The following INTS4 variants were observed in gnomAD, a reference collection of about 807,000 sequenced individuals.
INTS4 encodes the protein MSTP093.
Under a neutral mutation model 119.5 loss-of-function variants are expected in INTS4, and 70 were observed. The observed-to-expected ratio is 0.59, with a 90% CI of 0.48 to 0.71. The LOEUF is 0.71. Ranked by LOEUF, INTS4 falls within the 30% of genes least tolerant of loss-of-function variation. The pLI, the probability that INTS4 is intolerant of heterozygous loss-of-function variation, is 0.00. For missense variants in INTS4, 867 were observed against 1,173.2 expected (o/e 0.74, Z 3.81); for synonymous variants, 316 against 419.6 (o/e 0.75, Z 3.02).
At chr11:77,949,571 C>A (rs1454611991) in intron 8 of INTS4, among the ~76,000 whole-genome samples, 1 of 148,678 alleles carries the variant, frequency 6.7e-6, no homozygotes. Context: ...TGAACAGACA[C>A]TTCTCAAAAG....
chr11:77,963,371 A>AAC, intron 4 of INTS4: 1 of 354,806 alleles, frequency 2.8e-6, no homozygotes. Context: ...AAAAAAAAAA[A>AAC]AAACAAAAAA....
rs1954457807 is a variant in INTS4 at position 77,961,016 on chromosome 11, C to T, written c.594G>A (p.Lys198=). The part of the protein sequence containing the change: ...AEGLAARDVQ[K]IIGDYFSDQD... Reference sequence around the variant, plus strand: ...GGTCACTGAAGTAATCCCCTATAATCTTCTGGACATCTCTGGCAGCTAGGC... The same window carrying T: ...GGTCACTGAAGTAATCCCCTATAATTTTCTGGACATCTCTGGCAGCTAGGC... Residue 198 remains lysine, a synonymous_variant, in exon 5 of 23, where the codon AAG becomes AAA. Transcript: ENST00000534064. 1 of 1,613,812 alleles carries T rather than the reference C, an allele frequency of 6.2e-7. No individual in the cohort carries two copies. The highest frequency in any genetic ancestry group is 8.5e-7 in the Non-Finnish European group (1 of 1,179,896).
At chr11:77,905,264 C>T (rs1358975628) in intron 16 of INTS4, among the ~76,000 whole-genome samples, 2 of 152,064 alleles carry the variant, frequency 1.3e-5, no homozygotes, top group African/African-American at 2.4e-5. Context: ...GGAGACCAGC[C>T]TGACCAACAT....
In INTS4 at chr11:77,878,745, G is replaced by A. The variant is rs765811328; in HGVS notation, c.*204C>T. 2 of 695,654 alleles carry A rather than the reference G, an allele frequency of 2.9e-6. No homozygotes were observed. The highest frequency in any genetic ancestry group is 3.1e-5 in the South Asian group (2 of 65,564). The allele number at this position is 695,654 out of a possible 1,614,324, so 43.1% of individuals were successfully genotyped here. On this transcript the variant is annotated 3_prime_UTR_variant, in exon 23 of 23. Coordinates refer to ENST00000534064, the MANE Select transcript of INTS4 (RefSeq NM_033547.4). The stretch of plus-strand genomic sequence containing the variant: ...TTGGTGTTTTCTCAACTTTATTGTG[G>A]ACAGGAGAAGGGTAAGTAGACTTGA...
At chr11:77,946,152 A>G (rs1474429285) in intron 8 of INTS4, among the ~76,000 whole-genome samples, 1 of 152,226 alleles carries the variant, frequency 6.6e-6, no homozygotes, top group South Asian at 2.1e-4. Context: ...CATCTACAGC[A>G]TTGCCATCAC....
At chr11:77,907,073 G>A (rs916272329) in intron 16 of INTS4, among the ~76,000 whole-genome samples, 1 of 152,108 alleles carries the variant, frequency 6.6e-6, no homozygotes, top group African/African-American at 2.4e-5. Flanking sequence ...GAAGTGCAGT[G>A]AGTTTTTTTG....
At chr11:77,973,420 C>T (rs1406072890) in intron 4 of INTS4, among the ~76,000 whole-genome samples, 2 of 152,052 alleles carry the variant, frequency 1.3e-5, no homozygotes, top group African/African-American at 4.8e-5. Context: ...TGCCTAATAT[C>T]CCTGGCAAGA....
intron 13 of INTS4, 30 bp downstream of exon 13, chr11:77,922,326 A>T: frequency 6.6e-7 from 1 of 1,521,348 alleles, no homozygotes; most frequent in South Asian, 1.3e-5. Flanking sequence ...CTGCCAACAC[A>T]TCAGGGCCCA....
At chr11:77,903,280 C>T (rs1952833700) in intron 17 of INTS4, among the ~76,000 whole-genome samples, 2 of 152,246 alleles carry the variant, frequency 1.3e-5, no homozygotes, top group Non-Finnish European at 1.5e-5. Context: ...TATAGAGCTA[C>T]AGGAAGGCCT....
intron 15 of INTS4, chr11:77,918,143 G>A: frequency 1.4e-6 from 1 of 701,640 alleles, no homozygotes; most frequent in Non-Finnish European, 2.6e-6. Context: ...AAGAAAGAAT[G>A]AGCCTAGGCC....
At chr11:77,991,522 C>T (rs1479095084) in intron 1 of INTS4, among the ~76,000 whole-genome samples, 7 of 151,832 alleles carry the variant, frequency 4.6e-5, no homozygotes. Flanking sequence ...TTAATTTCTC[C>T]GAGTCTCAGT....
At chr11:77,887,568 C>A (rs924611043) in intron 21 of INTS4, among the ~76,000 whole-genome samples, 1 of 152,220 alleles carries the variant, frequency 6.6e-6, no homozygotes, top group Non-Finnish European at 1.5e-5. Flanking sequence ...GAAGTGCTGG[C>A]CAGGGCAATT....
chr11:77,946,231 C>T (rs987849046), intron 8 of INTS4, among the ~76,000 whole-genome samples: 1 of 152,252 alleles, frequency 6.6e-6, no homozygotes, highest in Non-Finnish European at 1.5e-5. Context: ...CTGAAGATTA[C>T]AGCTGAAGCT....
chr11:77,939,648 T>G (rs534037049), intron 9 of INTS4, among the ~76,000 whole-genome samples: 1 of 152,018 alleles, frequency 6.6e-6, no homozygotes, highest in Non-Finnish European at 1.5e-5. Flanking sequence ...CACTCCGTTT[T>G]ATATATCAGC....
intron 15 of INTS4, chr11:77,911,093 A>C (rs1399007970): frequency 7.6e-5 from 98 of 1,285,444 alleles, no homozygotes; most frequent in Non-Finnish European, 9.5e-5. Flanking sequence ...CATGCTCGGC[A>C]GGTAACGTTA....
At chr11:77,931,275 T>C (rs1591070887) in intron 10 of INTS4, among the ~76,000 whole-genome samples, 1 of 152,114 alleles carries the variant, frequency 6.6e-6, no homozygotes, top group Non-Finnish European at 1.5e-5. Context: ...ATGGATAAAT[T>C]AGAAGACTAG....
intron 9 of INTS4, among the ~76,000 whole-genome samples, chr11:77,939,581 G>T (rs1292392382): frequency 6.6e-6 from 1 of 152,150 alleles, no homozygotes; most frequent in Non-Finnish European, 1.5e-5. Flanking sequence ...GAATATACTG[G>T]TTAGTGTATC....
chr11:77,908,404 C>G (rs1210290034), intron 15 of INTS4, among the ~76,000 whole-genome samples: 1 of 151,512 alleles, frequency 6.6e-6, no homozygotes, highest in Non-Finnish European at 1.5e-5. Flanking sequence ...TCTCGACTCA[C>G]TGCAACCTCT....
chr11:77,957,964 C>T (rs1954373195), intron 7 of INTS4, among the ~76,000 whole-genome samples: 1 of 152,070 alleles, frequency 6.6e-6, no homozygotes, highest in South Asian at 2.1e-4. Flanking sequence ...CGTGTCCAGA[C>T]TGAACTTCTA....
Sources: gnomAD v4.1 joint callset for allele counts (sites outside exome capture counted in the v4.1 genomes callset) on GRCh38, gnomAD v4.1.1 for gene constraint, MANE v1.5 for transcripts, NCBI Gene and HGNC (gene_info 2026-07-23, HGNC 2026-07-21) for gene names.